The following EFNA5 variants were observed in gnomAD, a reference collection of about 807,000 sequenced individuals.
The protein encoded by EFNA5 is ephrin A5.
A neutral mutation model predicts 22.9 loss-of-function variants in EFNA5; 5 were observed. The observed-to-expected ratio is 0.22, with a 90% CI of 0.11 to 0.46. The LOEUF (loss-of-function observed/expected upper bound fraction) is 0.46. EFNA5 is among the 20% of genes least tolerant of loss of function. The pLI, the probability that EFNA5 is intolerant of heterozygous loss-of-function variation, is 0.99. For synonymous variants in EFNA5, 113 were observed against 112.2 expected (o/e 1.01, Z -0.04); for missense variants, 237 against 293.3 (o/e 0.81, Z 1.40).
At chr5:107,428,046 C>A (rs778981077) in intron 1 of EFNA5, among the ~76,000 whole-genome samples, 2 of 152,090 alleles carry the variant, frequency 1.3e-5, no homozygotes, top group Non-Finnish European at 2.9e-5. Context: ...AGAATCATAA[C>A]ATTTTACAGT....
intron 1 of EFNA5, among the ~76,000 whole-genome samples, chr5:107,487,833 T>C (rs905317815): frequency 6.6e-6 from 1 of 152,218 alleles, no homozygotes; most frequent in African/African-American, 2.4e-5. Context: ...AGTGTTTGTA[T>C]AACAGGTGCC....
chr5:107,649,869 T>C (rs750270214), intron 1 of EFNA5, among the ~76,000 whole-genome samples: 15 of 152,176 alleles, frequency 9.9e-5, no homozygotes, highest in Admixed American at 7.2e-4. Context: ...TATTTCCATA[T>C]ATAAATGAGA....
chr5:107,431,398 T>C (rs1459891162), intron 1 of EFNA5, among the ~76,000 whole-genome samples: 1 of 152,214 alleles, frequency 6.6e-6, no homozygotes, highest in Non-Finnish European at 1.5e-5. Context: ...GAACCATTCT[T>C]TTCTGGCCAT....
At chr5:107,525,197 A>G (rs1747669852) in intron 1 of EFNA5, among the ~76,000 whole-genome samples, 1 of 152,192 alleles carries the variant, frequency 6.6e-6, no homozygotes, top group Non-Finnish European at 1.5e-5. Context: ...TATGAGATAA[A>G]AGAGATTGTA....
intron 1 of EFNA5, among the ~76,000 whole-genome samples, chr5:107,507,847 A>G (rs1293145376): frequency 2.0e-5 from 3 of 152,232 alleles, no homozygotes; most frequent in African/African-American, 7.2e-5. Flanking sequence ...TGTAGCTATT[A>G]GAAAACTGAA....
At chr5:107,629,653 A>G (rs2112535068) in intron 1 of EFNA5, among the ~76,000 whole-genome samples, 1 of 152,354 alleles carries the variant, frequency 6.6e-6, no homozygotes, top group South Asian at 2.1e-4. Context: ...TTTGCTGCAA[A>G]TCTAAAAATG....
intron 4 of EFNA5, among the ~76,000 whole-genome samples, chr5:107,382,634 G>C (rs2069295711): frequency 6.6e-6 from 1 of 152,144 alleles, no homozygotes; most frequent in Non-Finnish European, 1.5e-5. Context: ...CCTCCCAAAG[G>C]ATTGGGATTA....
At chr5:107,503,187 G>A (rs1273698933) in intron 1 of EFNA5, among the ~76,000 whole-genome samples, 3 of 152,150 alleles carry the variant, frequency 2.0e-5, no homozygotes, top group East Asian at 1.9e-4. Context: ...ATGCAGGATC[G>A]TTTCCCCTCA....
At chr5:107,567,128 A>G (rs1213351553) in intron 1 of EFNA5, among the ~76,000 whole-genome samples, 1 of 152,192 alleles carries the variant, frequency 6.6e-6, no homozygotes, top group East Asian at 1.9e-4. Flanking sequence ...GAGTTGTCCT[A>G]TGTGTATGTA....
intron 1 of EFNA5, among the ~76,000 whole-genome samples, chr5:107,667,549 TTC>T (rs1347644786): frequency 6.6e-6 from 1 of 152,162 alleles, no homozygotes; most frequent in Non-Finnish European, 1.5e-5. Context: ...ATACATTTAA[TTC>T]TGATTTTACC....
chr5:107,449,716 T>G (rs954752153), intron 1 of EFNA5, among the ~76,000 whole-genome samples: 3 of 152,196 alleles, frequency 2.0e-5, no homozygotes, highest in Non-Finnish European at 4.4e-5. Flanking sequence ...CAGAGGAATA[T>G]AAATAAATAA....
intron 1 of EFNA5, among the ~76,000 whole-genome samples, chr5:107,451,508 C>A (rs1349036739): frequency 6.6e-6 from 1 of 152,124 alleles, no homozygotes; most frequent in Non-Finnish European, 1.5e-5. Flanking sequence ...ATATCAACTA[C>A]TTCATTGTTT....
intron 1 of EFNA5, among the ~76,000 whole-genome samples, chr5:107,463,634 T>C (rs527604323): frequency 4.6e-5 from 7 of 152,206 alleles, no homozygotes; most frequent in South Asian, 2.1e-4. Context: ...AAAGAGGAAT[T>C]ATAAGAATTC....
chr5:107,486,566 G>A (rs26239), intron 1 of EFNA5, among the ~76,000 whole-genome samples: 18,435 of 152,176 alleles, frequency 0.12, 1,921 homozygotes, highest in East Asian at 0.28. Flanking sequence ...CCTTCTGGGC[G>A]TATGAGAGTA....
intron 1 of EFNA5, among the ~76,000 whole-genome samples, chr5:107,605,159 G>A: frequency 1.3e-5 from 2 of 148,888 alleles, no homozygotes; most frequent in East Asian, 4.1e-4. Flanking sequence ...GGATGGGGGG[G>A]GAAGCAGAGC....
chr5:107,465,555 T>G (rs1379421027), intron 1 of EFNA5, among the ~76,000 whole-genome samples: 2 of 152,150 alleles, frequency 1.3e-5, no homozygotes, highest in Non-Finnish European at 2.9e-5. Context: ...CATGGAGTGA[T>G]GACAGTTAGC....
intron 1 of EFNA5, among the ~76,000 whole-genome samples, chr5:107,660,961 C>T (rs528454549): frequency 6.6e-6 from 1 of 152,180 alleles, no homozygotes; most frequent in East Asian, 1.9e-4. Flanking sequence ...TTTATTGAAG[C>T]AGTAACAGTA....
At chr5:107,415,489 T>C (rs1302227568) in intron 2 of EFNA5, among the ~76,000 whole-genome samples, 2 of 152,132 alleles carry the variant, frequency 1.3e-5, no homozygotes, top group South Asian at 2.1e-4. Flanking sequence ...TGATTCCTTA[T>C]CAGGAGAGGC....
Position 107,545,273 on chromosome 5 carries a change from G to A in EFNA5, c.126-117764C>T, listed in dbSNP as rs140942511. Among the ~76,000 whole-genome samples, 628 of 152,344 alleles carry A rather than the reference G, an allele frequency of 4.1e-3. 4 individuals carry two copies. Among genetic ancestry groups the A allele is most frequent in the South Asian group, 0.021 (103 of 4,820 alleles). ...CGGCTGTAAGCCAGATGTTTCCAGAGCTATGGGCCACATTTTCAAAAACAC... is the reference window on the plus strand; with the variant it reads ...CGGCTGTAAGCCAGATGTTTCCAGAACTATGGGCCACATTTTCAAAAACAC... On this transcript the variant is annotated intron_variant, in intron 1 of 4. Coordinates refer to ENST00000333274, the MANE Select transcript of EFNA5 (RefSeq NM_001962.3).
Sources: allele counts gnomAD v4.1 joint callset (sites outside exome capture counted in the v4.1 genomes callset), GRCh38; gene constraint gnomAD v4.1.1; transcripts MANE v1.5; gene names NCBI Gene and HGNC (gene_info 2026-07-23, HGNC 2026-07-21).